PLXDC2: variants seen among roughly 807,000 people sequenced by gnomAD.
PLXDC2 encodes plexin domain containing 2.
Under a neutral mutation model 68.9 loss-of-function variants are expected in PLXDC2, and 40 were observed. That is an observed-to-expected ratio of 0.58 (90% CI 0.45 to 0.76). The LOEUF is 0.76. Among genes scored for constraint, PLXDC2 ranks in the 30% least tolerant of loss-of-function variants. The pLI is 0.00. For synonymous variants in PLXDC2, 243 were observed against 234.2 expected (o/e 1.04, Z -0.34); for missense variants, 644 against 661.9 (o/e 0.97, Z 0.30).
rs1353950184 is a variant in PLXDC2, at chr10:20,082,062, AT to A, written c.541+13824del. Among the ~76,000 whole-genome samples the A allele has an allele frequency of 4.6e-3, 372 of 80,714 alleles. 69 individuals are homozygous for A. Among genetic ancestry groups the A allele is most frequent in the African/African-American group, 0.014 (241 of 17,642 alleles). The allele number at this position is 80,714 out of a possible 152,430, so 53.0% of individuals were successfully genotyped here. ...CTCCATCTGAAAAAAAAAAAAAAAA[AT>A]CAAAAAAAAAAAACAGGAGAAGTCT... On this transcript the variant is annotated intron_variant, in intron 4 of 13. Transcript: ENST00000377252.
intron 2 of PLXDC2, among the ~76,000 whole-genome samples, chr10:20,002,964 T>C (rs7101094): frequency 0.029 from 4,430 of 152,202 alleles, 206 homozygotes; most frequent in African/African-American, 0.097. Context: ...ACTGGGATGA[T>C]TGGTCCCTCT....
intron 4 of PLXDC2, among the ~76,000 whole-genome samples, chr10:20,068,823 G>T (rs1337952618): frequency 3.9e-5 from 6 of 151,944 alleles, no homozygotes; most frequent in Non-Finnish European, 8.8e-5. Flanking sequence ...AAGCTTGGAG[G>T]TTAGTTTAGA....
At chr10:20,265,497 T>C (rs1366768274) in intron 13 of PLXDC2, among the ~76,000 whole-genome samples, 3 of 152,212 alleles carry the variant, frequency 2.0e-5, no homozygotes, top group African/African-American at 7.2e-5. Flanking sequence ...CATCTATATT[T>C]ATTAAACAGC....
At chr10:20,146,754 A>G (rs1164679910) in intron 5 of PLXDC2, among the ~76,000 whole-genome samples, 1 of 152,138 alleles carries the variant, frequency 6.6e-6, no homozygotes, top group Non-Finnish European at 1.5e-5. Flanking sequence ...TATTTGAAAT[A>G]ATGTGTCTAT....
intron 12 of PLXDC2, among the ~76,000 whole-genome samples, chr10:20,235,121 G>A (rs1472879084): frequency 4.6e-5 from 7 of 152,198 alleles, no homozygotes; most frequent in Non-Finnish European, 1.0e-4. Context: ...TACCGTTTGG[G>A]ACAACATGGT....
intron 9 of PLXDC2, among the ~76,000 whole-genome samples, chr10:20,186,973 G>A (rs1303634789): frequency 1.3e-5 from 2 of 151,780 alleles, no homozygotes; most frequent in Non-Finnish European, 2.9e-5. Context: ...TCTATAGTAA[G>A]TGTATTTGGC....
chr10:19,871,659 C>T (rs569879713), intron 1 of PLXDC2, among the ~76,000 whole-genome samples: 2 of 152,030 alleles, frequency 1.3e-5, no homozygotes, highest in Admixed American at 6.5e-5. Flanking sequence ...GCAAGTGGAT[C>T]ACGTGAGGTC....
At chr10:20,075,665 T>G (rs1306141169) in intron 4 of PLXDC2, among the ~76,000 whole-genome samples, 1 of 152,060 alleles carries the variant, frequency 6.6e-6, no homozygotes, top group Non-Finnish European at 1.5e-5. Flanking sequence ...AAGAGTTGAC[T>G]CAATAGGAAT....
At chr10:20,087,235 A>G (rs574458221) in intron 4 of PLXDC2, among the ~76,000 whole-genome samples, 1 of 152,334 alleles carries the variant, frequency 6.6e-6, no homozygotes, top group African/African-American at 2.4e-5. Context: ...TGAGAACCAC[A>G]TATTAAATTT....
At chr10:19,938,838 G>A (rs73603676) in intron 1 of PLXDC2, among the ~76,000 whole-genome samples, 4,618 of 152,288 alleles carry the variant, frequency 0.03, 246 homozygotes, top group African/African-American at 0.11. Flanking sequence ...TGGCAGTTGT[G>A]TGCAAAATTA....
At chr10:19,820,756 T>A (rs948675320) in intron 1 of PLXDC2, among the ~76,000 whole-genome samples, 1 of 151,630 alleles carries the variant, frequency 6.6e-6, no homozygotes, top group Admixed American at 6.6e-5. Flanking sequence ...AATGAGTTGA[T>A]CAACAGCCTT....
intron 1 of PLXDC2, among the ~76,000 whole-genome samples, chr10:19,867,530 T>C (rs1232212333): frequency 6.6e-6 from 1 of 152,212 alleles, no homozygotes; most frequent in Non-Finnish European, 1.5e-5. Flanking sequence ...GGCTATTTTT[T>C]AAGCTATTAT....
chr10:20,008,723 T>C (rs1266828245), intron 2 of PLXDC2, among the ~76,000 whole-genome samples: 2 of 152,156 alleles, frequency 1.3e-5, no homozygotes, highest in African/African-American at 4.8e-5. Flanking sequence ...ATAGCTCCCA[T>C]AATTCCCATG....
At chr10:20,087,924 T>C (rs1336106257) in intron 4 of PLXDC2, among the ~76,000 whole-genome samples, 1 of 152,190 alleles carries the variant, frequency 6.6e-6, no homozygotes, top group Non-Finnish European at 1.5e-5. Context: ...GACACATTGG[T>C]ATGACATTTG....
intron 1 of PLXDC2, among the ~76,000 whole-genome samples, chr10:19,957,166 C>T (rs147335948): frequency 4.3e-4 from 66 of 152,272 alleles, no homozygotes; most frequent in African/African-American, 1.5e-3. Flanking sequence ...TACCAACTTA[C>T]TTCCATCTCT....
Position 19,971,506 on chromosome 10 carries a change from G to A in PLXDC2, c.113-30269G>A, listed in dbSNP as rs1203614210. Among the ~76,000 whole-genome samples, 9 of 152,292 alleles carry A rather than the reference G, an allele frequency of 5.9e-5. No homozygotes were observed. The East Asian group carries it at 1.7e-3, about 29-fold the overall frequency. Reference sequence around the variant, plus strand: ...AGTGCTGAAATGAGAGGGCTGAGATGTACATTGTGTACCCTGGTGAGTAAG... The same window carrying A: ...AGTGCTGAAATGAGAGGGCTGAGATATACATTGTGTACCCTGGTGAGTAAG... On this transcript the variant is annotated intron_variant, in intron 1 of 13. Transcript: ENST00000377252.
chr10:19,876,792 A>C (rs1329064618), intron 1 of PLXDC2, among the ~76,000 whole-genome samples: 4 of 152,152 alleles, frequency 2.6e-5, no homozygotes, highest in Non-Finnish European at 5.9e-5. Context: ...ATAGCAGATA[A>C]AAGCATTTCT....
intron 13 of PLXDC2, among the ~76,000 whole-genome samples, chr10:20,251,141 T>G (rs1445045448): frequency 6.6e-6 from 1 of 152,158 alleles, no homozygotes; most frequent in African/African-American, 2.4e-5. Context: ...TCAAGCAGAA[T>G]AGCCTATTTT....
intron 1 of PLXDC2, among the ~76,000 whole-genome samples, chr10:19,877,519 A>T (rs537399526): frequency 6.6e-6 from 1 of 152,194 alleles, no homozygotes; most frequent in Non-Finnish European, 1.5e-5. Flanking sequence ...AGTAGAAATG[A>T]TGTGTGCAAA....
Sources: allele counts gnomAD v4.1 joint callset (sites outside exome capture counted in the v4.1 genomes callset), GRCh38; gene constraint gnomAD v4.1.1; transcripts MANE v1.5; gene names NCBI Gene and HGNC (gene_info 2026-07-23, HGNC 2026-07-21).